The following ALCAM variants were observed in gnomAD, a reference collection of about 807,000 sequenced individuals.
The protein encoded by ALCAM is CD166 antigen.
Under a neutral mutation model 70.9 loss-of-function variants are expected in ALCAM, and 30 were observed. The ratio of observed to expected loss-of-function variants is 0.42; its 90% confidence interval spans 0.32 to 0.57. The LOEUF (loss-of-function observed/expected upper bound fraction) is 0.57. Ranked by LOEUF, ALCAM falls within the 20% of genes least tolerant of loss-of-function variation. The pLI is 0.11. For missense variants in ALCAM, 591 were observed against 695.1 expected (o/e 0.85, Z 1.68); for synonymous variants, 249 against 242.5 (o/e 1.03, Z -0.25).
intron 1 of ALCAM, among the ~76,000 whole-genome samples, chr3:105,455,525 A>G (rs1937524924): frequency 6.6e-6 from 1 of 152,192 alleles, no homozygotes; most frequent in African/African-American, 2.4e-5. Flanking sequence ...GAAATGGTAC[A>G]CACGAATAAC....
At chr3:105,455,213 G>C (rs141576200) in intron 1 of ALCAM, among the ~76,000 whole-genome samples, 2,312 of 151,656 alleles carry the variant, frequency 0.015, 23 homozygotes, top group Middle Eastern at 0.048. Context: ...AGGCCGAGGC[G>C]GGCGGATCAC....
intron 1 of ALCAM, among the ~76,000 whole-genome samples, chr3:105,416,115 T>A (rs1936501298): frequency 2.0e-5 from 3 of 152,034 alleles, no homozygotes; most frequent in Non-Finnish European, 4.4e-5. Context: ...TTGCTGCATC[T>A]GTCATTCTCA....
At chr3:105,473,045 C>T (rs1385214164) in intron 1 of ALCAM, among the ~76,000 whole-genome samples, 1 of 151,252 alleles carries the variant, frequency 6.6e-6, no homozygotes, top group Non-Finnish European at 1.5e-5. Context: ...TTGGAAATTT[C>T]CCTCAAATCA....
At chr3:105,508,164 C>G (rs9873500) in intron 1 of ALCAM, among the ~76,000 whole-genome samples, 72,312 of 152,048 alleles carry the variant, frequency 0.48, 17,776 homozygotes, top group East Asian at 0.8. Context: ...CATTTTCTTT[C>G]TAGTCCTTCT....
intron 1 of ALCAM, among the ~76,000 whole-genome samples, chr3:105,411,454 G>T (rs774755852): frequency 6.6e-6 from 1 of 152,080 alleles, no homozygotes; most frequent in Non-Finnish European, 1.5e-5. Flanking sequence ...AGTAGCAGCA[G>T]CAGCAGCTGG....
intron 1 of ALCAM, among the ~76,000 whole-genome samples, chr3:105,468,582 C>T (rs1576183129): frequency 6.6e-6 from 1 of 151,244 alleles, no homozygotes; most frequent in South Asian, 2.1e-4. Flanking sequence ...GGTTTCATGT[C>T]CCTGGTTGGC....
chr3:105,520,184 T>C lies in ALCAM; in HGVS notation c.174+17T>C. The C allele has an allele frequency of 2.6e-6, 4 of 1,538,570 alleles. No homozygotes were observed. The highest frequency in any genetic ancestry group is 3.6e-6 in the Non-Finnish European group (4 of 1,112,900). ...TGGAAATATGTAAGTGTGACCTACC[T>C]GGGACTTGGTTAATTGCCCTTGTTC... On this transcript the variant is annotated intron_variant, in intron 2 of 15. Transcript: ENST00000306107.
chr3:105,457,209 G>T (rs1937545120), intron 1 of ALCAM, among the ~76,000 whole-genome samples: 1 of 152,070 alleles, frequency 6.6e-6, no homozygotes, highest in Non-Finnish European at 1.5e-5. Flanking sequence ...CTCCATTCCT[G>T]TCCCTGCAAA....
intron 1 of ALCAM, among the ~76,000 whole-genome samples, chr3:105,477,760 G>C (rs943687069): frequency 1.3e-5 from 2 of 151,838 alleles, no homozygotes; most frequent in African/African-American, 4.8e-5. Flanking sequence ...CTGAAGCACT[G>C]ATTTTTTTAA....
chr3:105,539,464 T>C (rs1559826790), intron 6 of ALCAM, among the ~76,000 whole-genome samples: 1 of 152,084 alleles, frequency 6.6e-6, no homozygotes, highest in Non-Finnish European at 1.5e-5. Context: ...CATCTTTTTT[T>C]AAGCAGATCT....
chr3:105,430,675 T>C (rs532002391), intron 1 of ALCAM, among the ~76,000 whole-genome samples: 3 of 152,076 alleles, frequency 2.0e-5, no homozygotes, highest in Non-Finnish European at 2.9e-5. Flanking sequence ...CATTTTGTGG[T>C]CTTTAGAAGG....
intron 1 of ALCAM, among the ~76,000 whole-genome samples, chr3:105,398,713 TA>T (rs1936012789): frequency 6.6e-6 from 1 of 152,126 alleles, no homozygotes; most frequent in African/African-American, 2.4e-5. Flanking sequence ...TTTTGTACCC[TA>T]AACCATTAAC....
At chr3:105,541,585 A>G in intron 7 of ALCAM, 48 bp from the exon 8 acceptor site, 1 of 1,596,820 alleles carries the variant, frequency 6.3e-7, no homozygotes, top group Non-Finnish European at 8.5e-7. Flanking sequence ...AACTGTTCTC[A>G]TTGTAGCGAC....
Position 105,395,887 on chromosome 3 carries a change from T to C in ALCAM, c.73+28406T>C, listed in dbSNP as rs1267746161. ...GATTCTAAGGCCATATGGCAGCCCA[T>C]GTCTCCTGGATTGAGTTCTCCTCCA... On this transcript the variant is annotated intron_variant, in intron 1 of 15. Coordinates refer to ENST00000306107, the MANE Select transcript of ALCAM (RefSeq NM_001627.4). 3.9e-5 allele frequency among the ~76,000 whole-genome samples: 6 copies of C among 152,020 alleles called. No individual in the cohort carries two copies. In the East Asian group the frequency reaches 9.7e-4, roughly 25 times the overall value.
At chr3:105,455,339 G>A (rs1269726890) in intron 1 of ALCAM, among the ~76,000 whole-genome samples, 1 of 151,594 alleles carries the variant, frequency 6.6e-6, no homozygotes, top group Non-Finnish European at 1.5e-5. Context: ...CTACTCAGGA[G>A]GCTGAGGCAG....
intron 1 of ALCAM, among the ~76,000 whole-genome samples, chr3:105,470,072 T>C (rs773703933): frequency 2.0e-5 from 3 of 148,136 alleles, no homozygotes; most frequent in African/African-American, 7.4e-5. Context: ...TACCATACCA[T>C]ACACACACAT....
intron 1 of ALCAM, among the ~76,000 whole-genome samples, chr3:105,496,827 G>GGGGTGTGTGTGTGT (rs755792411): frequency 1.3e-4 from 14 of 103,826 alleles, no homozygotes; most frequent in Non-Finnish European, 9.0e-5. Flanking sequence ...GTCCAATTGA[G>GGGGTGTGTGTGTGT]GTGTGTGTGT....
Position 105,447,646 on chromosome 3 carries a change from G to A in ALCAM, c.74-72421G>A, listed in dbSNP as rs561476914. ...GAGGATTGCTTAAGCCAGGGAGATC[G>A]AGCTGCAGTGAGCCATAATCATGCC... On this transcript the variant is annotated intron_variant, in intron 1 of 15. Coordinates refer to ENST00000306107, the MANE Select transcript of ALCAM (RefSeq NM_001627.4). 1.4e-4 allele frequency among the ~76,000 whole-genome samples: 22 copies of A among 152,284 alleles called. No homozygotes were observed. The South Asian group carries it at 4.1e-3, about 29-fold the overall frequency.
intron 12 of ALCAM, among the ~76,000 whole-genome samples, chr3:105,551,003 A>C (rs1940388510): frequency 6.6e-6 from 1 of 151,576 alleles, no homozygotes; most frequent in Non-Finnish European, 1.5e-5. Flanking sequence ...CTGGCCTAGA[A>C]TGAGGCTCAG....
Sources: allele counts gnomAD v4.1 joint callset (sites outside exome capture counted in the v4.1 genomes callset), GRCh38; gene constraint gnomAD v4.1.1; transcripts MANE v1.5; gene names NCBI Gene and HGNC (gene_info 2026-07-23, HGNC 2026-07-21).